The following DPT variants were observed in gnomAD, a reference collection of about 807,000 sequenced individuals.
DPT encodes dermatopontin.
DPT carries 21 observed loss-of-function variants against 31.2 expected under a neutral mutation model. That is an observed-to-expected ratio of 0.67 (90% CI 0.48 to 0.97). The LOEUF is 0.97. Among genes scored for constraint, DPT ranks in the 50% least tolerant of loss-of-function variants. DPT has a pLI of 0.00. For synonymous variants in DPT, 91 were observed against 86.9 expected, an observed-to-expected ratio of 1.05 and a Z score of -0.26; for missense variants, 262 against 258.8, an observed-to-expected ratio of 1.01 and a Z score of -0.08.
intron 3 of DPT, among the ~76,000 whole-genome samples, chr1:168,700,798 T>C (rs1649575942): frequency 6.6e-6 from 1 of 152,146 alleles, no homozygotes; most frequent in African/African-American, 2.4e-5. Flanking sequence ...CAGTTAATCC[T>C]TGACCAGGTA....
At chr1:168,708,443 C>G (rs543452829) in intron 2 of DPT, among the ~76,000 whole-genome samples, 1 of 152,332 alleles carries the variant, frequency 6.6e-6, no homozygotes, top group South Asian at 2.1e-4. Context: ...CGCAGAGCAT[C>G]TAAACCCAAT....
At position 168,711,577 on chromosome 1, in the gene DPT, C is replaced by A. The variant is rs553996774; in HGVS notation, c.431+2644G>T. Among the ~76,000 whole-genome samples the A allele has an allele frequency of 7.9e-5, 12 of 152,338 alleles. No individual in the cohort carries two copies. In the South Asian group the frequency reaches 2.5e-3, roughly 32 times the overall value. Reference sequence around the variant, plus strand: ...ATGAGTTAGTACATCTAACAACAGACTGTCCAACTGGTCACATGTCTTGTT... The same window carrying A: ...ATGAGTTAGTACATCTAACAACAGAATGTCCAACTGGTCACATGTCTTGTT... On this transcript the variant is annotated intron_variant, in intron 2 of 3. Coordinates refer to ENST00000367817, the MANE Select transcript of DPT (RefSeq NM_001937.5).
intron 2 of DPT, among the ~76,000 whole-genome samples, chr1:168,710,140 A>C (rs1649818324): frequency 2.0e-5 from 3 of 152,232 alleles, no homozygotes; most frequent in African/African-American, 7.2e-5. Context: ...TAAAGATGCC[A>C]CTAAAATGTC....
At position 168,714,932 on chromosome 1, in the gene DPT, C is replaced by T. The variant is rs371265300; in HGVS notation, c.306-586G>A. The stretch of plus-strand genomic sequence containing the variant: ...AGCTGGGACCACAACCCAGATTCTT[C>T]CTACTTATCCAGGAATCTTTCTACC... On this transcript the variant is annotated intron_variant, in intron 1 of 3. Transcript: ENST00000367817. 1.1e-4 allele frequency among the ~76,000 whole-genome samples: 16 copies of T among 152,332 alleles called. No homozygotes were observed. The South Asian group carries it at 3.1e-3, about 30-fold the overall frequency.
intron 1 of DPT, among the ~76,000 whole-genome samples, chr1:168,725,519 C>T (rs1650222259): frequency 6.6e-6 from 1 of 152,132 alleles, no homozygotes; most frequent in Non-Finnish European, 1.5e-5. Flanking sequence ...CAGTGCCCTA[C>T]AGCCTGTGCT....
chr1:168,717,738 G>C (rs992499331), intron 1 of DPT, among the ~76,000 whole-genome samples: 1 of 152,132 alleles, frequency 6.6e-6, no homozygotes, highest in Non-Finnish European at 1.5e-5. Flanking sequence ...TTTTGTATAA[G>C]GTGTAAGGAA....
intron 1 of DPT, among the ~76,000 whole-genome samples, chr1:168,717,060 G>A (rs1008577571): frequency 1.3e-5 from 2 of 152,174 alleles, no homozygotes; most frequent in African/African-American, 4.8e-5. Context: ...AGTCCTTTGG[G>A]TATATACCCA....
At chr1:168,709,602 C>T (rs1409324632) in intron 2 of DPT, among the ~76,000 whole-genome samples, 5 of 152,106 alleles carry the variant, frequency 3.3e-5, no homozygotes, top group Admixed American at 3.3e-4. Context: ...TTTTCCAGCC[C>T]AGAGTGATGA....
At chr1:168,696,640 G>T (rs1649473336) in intron 3 of DPT, 25 bp from the exon 4 acceptor site, 1 of 1,604,772 alleles carries the variant, frequency 6.2e-7, no homozygotes, top group Non-Finnish European at 8.5e-7. Flanking sequence ...GTCAGAAAAT[G>T]AATGTCAGTG....
Position 168,714,366 on chromosome 1 carries a change from A to G in DPT, c.306-20T>C, listed in dbSNP as rs746220161. On this transcript the variant is annotated intron_variant, in intron 1 of 3. Coordinates refer to ENST00000367817, the MANE Select transcript of DPT (RefSeq NM_001937.5). The stretch of plus-strand genomic sequence containing the variant: ...TGGTACCTGAAGAGAAGACAACCCC[A>G]GGAACCTAAGAACAGTGACACATAC... 1 of 1,614,014 alleles carries G rather than the reference A, an allele frequency of 6.2e-7. No homozygotes were observed.
chr1:168,719,084 A>G (rs2101909730), intron 1 of DPT, among the ~76,000 whole-genome samples: 1 of 152,272 alleles, frequency 6.6e-6, no homozygotes, highest in South Asian at 2.1e-4. Context: ...TTAATAGAAG[A>G]ATGAGGGACC....
chr1:168,728,398 A>G (rs761453437), intron 1 of DPT, among the ~76,000 whole-genome samples: 2 of 152,162 alleles, frequency 1.3e-5, no homozygotes, highest in African/African-American at 2.4e-5. Flanking sequence ...TGAGAGATCA[A>G]TTGTTTATTT....
At chr1:168,705,480 G>GA (rs898346791) in intron 2 of DPT, among the ~76,000 whole-genome samples, 8 of 152,066 alleles carry the variant, frequency 5.3e-5, no homozygotes, top group Admixed American at 1.3e-4. Context: ...ATAAAAACTG[G>GA]AAAAAAACCC....
At chr1:168,702,751 A>G (rs1649630556) in intron 2 of DPT, among the ~76,000 whole-genome samples, 1 of 151,764 alleles carries the variant, frequency 6.6e-6, no homozygotes, top group Non-Finnish European at 1.5e-5. Flanking sequence ...AGCTGGGATT[A>G]CAGGTGTGTG....
intron 1 of DPT, among the ~76,000 whole-genome samples, chr1:168,721,030 C>T (rs1354955915): frequency 2.6e-5 from 4 of 152,270 alleles, no homozygotes; most frequent in African/African-American, 9.6e-5. Context: ...ATTGGACAGG[C>T]AGAATTACCA....
At chr1:168,721,593 A>T (rs1650115450) in intron 1 of DPT, among the ~76,000 whole-genome samples, 2 of 152,186 alleles carry the variant, frequency 1.3e-5, no homozygotes, top group South Asian at 4.2e-4. Context: ...CACATATCAG[A>T]GCACAAAAGG....
chr1:168,697,924 G>A lies in DPT; in HGVS notation c.540-1309C>T, dbSNP rs10918959. 3.3e-5 allele frequency among the ~76,000 whole-genome samples: 5 copies of A among 152,126 alleles called. No homozygotes were observed. The East Asian group carries it at 5.8e-4, about 18-fold the overall frequency. ...GGTAATCTTAAGCCCAGAAGAACAC[G>A]TGGCTGCCATGCCCTTTGCACAGTC... On this transcript the variant is annotated intron_variant, in intron 3 of 3. Coordinates refer to ENST00000367817, the MANE Select transcript of DPT (RefSeq NM_001937.5).
At chr1:168,714,117 TC>T in intron 2 of DPT, 103 bp downstream of exon 2, 1 of 1,508,004 alleles carries the variant, frequency 6.6e-7, no homozygotes, top group Admixed American at 1.8e-5. Context: ...AGCGCTGCCT[TC>T]CAGGCTTGTG....
chr1:168,705,413 C>G (rs539181754), intron 2 of DPT, among the ~76,000 whole-genome samples: 11 of 152,262 alleles, frequency 7.2e-5, no homozygotes, highest in African/African-American at 2.6e-4. Flanking sequence ...ATCATATCCC[C>G]AACCTTGGCC....
Sources: allele counts gnomAD v4.1 joint callset (sites outside exome capture counted in the v4.1 genomes callset), GRCh38; gene constraint gnomAD v4.1.1; transcripts MANE v1.5; gene names NCBI Gene and HGNC (gene_info 2026-07-23, HGNC 2026-07-21).